Variants in ST7 observed in about 807,000 individuals in gnomAD.
ST7 encodes suppression of tumorigenicity 7, also known as suppressor of tumorigenicity 7 protein.
ST7 carries 28 observed loss-of-function variants against 78.7 expected under a neutral mutation model. The observed-to-expected ratio is 0.36, with a 90% CI of 0.26 to 0.49. The LOEUF (loss-of-function observed/expected upper bound fraction) is 0.49. Among genes scored for constraint, ST7 ranks in the 20% least tolerant of loss-of-function variants. The pLI, the probability that ST7 is intolerant of heterozygous loss-of-function variation, is 0.99. For missense variants in ST7, 418 were observed against 696.0 expected (o/e 0.60, Z 4.49); for synonymous variants, 247 against 249.6 (o/e 0.99, Z 0.10).
intron 1 of ST7, among the ~76,000 whole-genome samples, chr7:117,073,602 G>A (rs987806869): frequency 2.0e-5 from 3 of 152,158 alleles, no homozygotes; most frequent in African/African-American, 4.8e-5. Flanking sequence ...AACTACCCGG[G>A]TTTAACTCTT....
chr7:117,186,102 T>A (rs1394500327), intron 10 of ST7, among the ~76,000 whole-genome samples: 1 of 152,236 alleles, frequency 6.6e-6, no homozygotes, highest in African/African-American at 2.4e-5. Context: ...GGTGCAACAG[T>A]GAAACTAACA....
At chr7:117,161,836 A>C (rs1485516594) in intron 9 of ST7, among the ~76,000 whole-genome samples, 4 of 151,426 alleles carry the variant, frequency 2.6e-5, no homozygotes, top group Non-Finnish European at 5.9e-5. Context: ...CTGACCTCAA[A>C]TTATCTGCCT....
In ST7 at chr7:116,953,692, G is replaced by C; in HGVS notation, c.151+1G>C. On this transcript the variant is annotated splice_donor_variant, in intron 1 of 15. Coordinates refer to ENST00000323984, the MANE Select transcript of ST7 (RefSeq NM_001369598.1). LOFTEE classifies it high-confidence loss of function. ...AAAATCAACGACAACTTGAGCACAG[G>C]TAAGGCCTGGGAGCCGGGCCCGCGG... 6.8e-7 allele frequency: 1 copy of C among 1,472,130 alleles called. No homozygotes were observed. The highest frequency in any genetic ancestry group is 9.1e-7 in the Non-Finnish European group (1 of 1,095,192). The allele number at this position is 1,472,130 out of a possible 1,614,324, so 91.2% of individuals were successfully genotyped here. A position where few individuals can be genotyped will look rare whatever the true frequency, so the allele number is the denominator to read the frequency against.
In ST7 at chr7:117,080,651, T is replaced by C. The variant is rs548092029; in HGVS notation, c.152-19111T>C. 3.9e-5 allele frequency among the ~76,000 whole-genome samples: 6 copies of C among 152,322 alleles called. No individual in the cohort carries two copies. In the South Asian group the frequency reaches 1.2e-3, roughly 32 times the overall value. ...TGCTCAATTCACATGTATGAACTTA[T>C]GGGATTGATGAGTGGATGAGAAAGA... On this transcript the variant is annotated intron_variant, in intron 1 of 15. Coordinates refer to ENST00000323984, the MANE Select transcript of ST7 (RefSeq NM_001369598.1).
At chr7:117,052,462 C>A (rs1188759180) in intron 1 of ST7, among the ~76,000 whole-genome samples, 3 of 152,178 alleles carry the variant, frequency 2.0e-5, no homozygotes, top group Non-Finnish European at 4.4e-5. Context: ...TGATTATTCT[C>A]ATCAGGTATT....
At chr7:117,130,669 T>G (rs939633451) in intron 5 of ST7, 63 bp downstream of exon 5, 36 of 1,230,090 alleles carry the variant, frequency 2.9e-5, no homozygotes, top group Non-Finnish European at 4.2e-5. Context: ...TCAAGATTTC[T>G]GCTTTTAGAA....
chr7:116,976,613 G>T (rs1162625874), intron 1 of ST7, among the ~76,000 whole-genome samples: 1 of 152,158 alleles, frequency 6.6e-6, no homozygotes, highest in Non-Finnish European at 1.5e-5. Flanking sequence ...ACATTTCATG[G>T]ACCCCAGCTT....
chr7:117,165,877 A>G (rs894154060), intron 9 of ST7, among the ~76,000 whole-genome samples: 1 of 152,170 alleles, frequency 6.6e-6, no homozygotes, highest in African/African-American at 2.4e-5. Context: ...TGTTTAAGGA[A>G]CTGAAAGCTG....
intron 2 of ST7, among the ~76,000 whole-genome samples, chr7:117,100,197 C>T (rs910433135): frequency 1.3e-5 from 2 of 152,054 alleles, no homozygotes; most frequent in Admixed American, 1.3e-4. Flanking sequence ...TGGGGCTGGG[C>T]GCAGTGGCTC....
chr7:117,151,623 A>G (rs1451055337), intron 9 of ST7, among the ~76,000 whole-genome samples: 1 of 151,978 alleles, frequency 6.6e-6, no homozygotes, highest in Non-Finnish European at 1.5e-5. Flanking sequence ...TTACTTATTT[A>G]TTGTCTGTAT....
intron 9 of ST7, among the ~76,000 whole-genome samples, chr7:117,141,608 T>G (rs903067592): frequency 2.6e-5 from 4 of 152,212 alleles, no homozygotes; most frequent in African/African-American, 9.6e-5. Flanking sequence ...TGAAGGAATA[T>G]TTTGGCAGTA....
intron 1 of ST7, among the ~76,000 whole-genome samples, chr7:116,990,580 A>C (rs1344951169): frequency 1.3e-5 from 2 of 152,222 alleles, no homozygotes; most frequent in Admixed American, 1.3e-4. Context: ...TTTGCAGTAT[A>C]CAAGCATAGG....
intron 9 of ST7, among the ~76,000 whole-genome samples, chr7:117,150,896 A>G (rs1806188626): frequency 6.6e-6 from 1 of 152,228 alleles, no homozygotes; most frequent in Non-Finnish European, 1.5e-5. Flanking sequence ...GTCACATTAC[A>G]TCTACTTAGT....
At chr7:117,204,887 T>G (rs1406894473) in intron 12 of ST7, among the ~76,000 whole-genome samples, 1 of 152,118 alleles carries the variant, frequency 6.6e-6, no homozygotes, top group African/African-American at 2.4e-5. Flanking sequence ...TACATACATA[T>G]AGAGAGAGAG....
chr7:117,139,952 T>G (rs1275616859), intron 9 of ST7, among the ~76,000 whole-genome samples: 1 of 152,214 alleles, frequency 6.6e-6, no homozygotes, highest in Non-Finnish European at 1.5e-5. Context: ...TTCTCTATCT[T>G]AACCTGGCCC....
chr7:116,965,565 C>G (rs28437308), intron 1 of ST7, among the ~76,000 whole-genome samples: 5,485 of 152,152 alleles, frequency 0.036, 341 homozygotes, highest in African/African-American at 0.12. Context: ...TATCCCAGAA[C>G]TTAAAGTATA....
chr7:117,024,384 C>T (rs1796088173), intron 1 of ST7, among the ~76,000 whole-genome samples: 1 of 151,994 alleles, frequency 6.6e-6, no homozygotes, highest in African/African-American at 2.4e-5. Flanking sequence ...GGGCTCAGTC[C>T]TCCTCTTGTC....
At chr7:117,036,784 T>A (rs1325829630) in intron 1 of ST7, among the ~76,000 whole-genome samples, 23 of 152,154 alleles carry the variant, frequency 1.5e-4, no homozygotes, top group Non-Finnish European at 5.9e-5. Context: ...TTATGAGATA[T>A]TTGCATCATA....
At chr7:117,082,401 G>A (rs1205203401) in intron 1 of ST7, among the ~76,000 whole-genome samples, 1 of 152,166 alleles carries the variant, frequency 6.6e-6, no homozygotes, top group African/African-American at 2.4e-5. Context: ...CAGTTTGCAT[G>A]TTACAAAAAG....
Sources: allele counts gnomAD v4.1 joint callset (sites outside exome capture counted in the v4.1 genomes callset), GRCh38; gene constraint gnomAD v4.1.1; transcripts MANE v1.5; gene names NCBI Gene and HGNC (gene_info 2026-07-23, HGNC 2026-07-21).